AFF3: variants seen among roughly 807,000 people sequenced by gnomAD.
AFF3 encodes the protein AF4/FMR2 family member 3.
AFF3 carries 32 observed loss-of-function variants against 129.7 expected under a neutral mutation model. The ratio of observed to expected loss-of-function variants is 0.25; its 90% CI spans 0.19 to 0.33. AFF3 has a LOEUF of 0.33. AFF3 is among the 10% of genes least tolerant of loss of function. The pLI is 1.00. For synonymous variants in AFF3, 644 were observed against 635.4 expected (o/e 1.01, Z -0.20); for missense variants, 1,373 against 1,592.0 (o/e 0.86, Z 2.34).
intron 7 of AFF3, among the ~76,000 whole-genome samples, chr2:99,875,336 C>A (rs1254359221): frequency 6.6e-6 from 1 of 152,194 alleles, no homozygotes; most frequent in African/African-American, 2.4e-5. Flanking sequence ...ACCTCAGAGG[C>A]CTTTCCTGAT....
At chr2:99,914,014 CT>C (rs1255588180) in intron 7 of AFF3, among the ~76,000 whole-genome samples, 1 of 152,126 alleles carries the variant, frequency 6.6e-6, no homozygotes, top group Non-Finnish European at 1.5e-5. Context: ...TTAATTGCTT[CT>C]GGTAGGTACC....
At chr2:100,066,466 C>T (rs1263487536) in intron 4 of AFF3, among the ~76,000 whole-genome samples, 2 of 152,126 alleles carry the variant, frequency 1.3e-5, no homozygotes, top group African/African-American at 4.8e-5. Context: ...AGCCAAAATG[C>T]CACTTCTAAT....
chr2:100,060,870 C>T (rs1687215879), intron 4 of AFF3, among the ~76,000 whole-genome samples: 2 of 152,194 alleles, frequency 1.3e-5, no homozygotes, highest in Admixed American at 1.3e-4. Flanking sequence ...AGATCCCATC[C>T]CACTACGTTT....
chr2:99,903,615 A>C (rs571805383), intron 7 of AFF3, among the ~76,000 whole-genome samples: 68 of 152,290 alleles, frequency 4.5e-4, no homozygotes, highest in Admixed American at 2.7e-3. Flanking sequence ...AAGATAAATA[A>C]AATCAGATAT....
intron 4 of AFF3, among the ~76,000 whole-genome samples, chr2:100,037,229 G>A (rs1684993091): frequency 6.6e-6 from 1 of 151,568 alleles, no homozygotes; most frequent in Non-Finnish European, 1.5e-5. Context: ...TTTATGTAAT[G>A]TAGTTTACAA....
At chr2:100,086,537 A>T (rs2105383481) in intron 4 of AFF3, among the ~76,000 whole-genome samples, 1 of 152,326 alleles carries the variant, frequency 6.6e-6, no homozygotes, top group East Asian at 1.9e-4. Context: ...AGAGAGAGAA[A>T]AGAAAAAAGA....
chr2:99,597,601 G>A (rs1208588621), intron 14 of AFF3, among the ~76,000 whole-genome samples: 1 of 152,132 alleles, frequency 6.6e-6, no homozygotes, highest in Non-Finnish European at 1.5e-5. Flanking sequence ...TTTTCCCCCC[G>A]ACAACCTCAC....
Position 99,554,486 on chromosome 2 carries a change from G to C in AFF3, c.3384C>G (p.Ser1128Arg). The C allele has an allele frequency of 1.2e-6, 2 of 1,613,902 alleles. No individual in the cohort carries two copies. The highest frequency in any genetic ancestry group is 2.2e-5 in the South Asian group (2 of 91,074). Residue 1128 changes from serine (S) to arginine (R), a missense_variant, in exon 24 of 25, where the codon AGC becomes AGG. Physicochemically the swap from Ser to Arg is moderately radical, Grantham distance 110. This residue lies in a region of AFF3 where 165 missense variants were observed against 234.0 expected (regional missense o/e 0.71). Transcript: ENST00000672756. Reference protein sequence around the residue: ...SPMSPNPSPASSVGSQGSLSN... With the variant: ...SPMSPNPSPARSVGSQGSLSN... ...AGAGGCTGCCCTGAGACCCCACGGA[G>C]CTGGCGGGAGAGGGGTTGGGAGACA...
chr2:99,638,723 G>C (rs1051880832), intron 13 of AFF3, among the ~76,000 whole-genome samples: 8 of 152,214 alleles, frequency 5.3e-5, no homozygotes, highest in African/African-American at 1.9e-4. Flanking sequence ...GGAAGAACCT[G>C]GGAAACTGGC....
At chr2:99,820,124 T>C (rs1177679238) in intron 8 of AFF3, among the ~76,000 whole-genome samples, 1 of 152,160 alleles carries the variant, frequency 6.6e-6, no homozygotes, top group Non-Finnish European at 1.5e-5. Flanking sequence ...ACAACAGGGA[T>C]TCATTCTGAG....
At chr2:99,952,887 T>C (rs752305547) in intron 7 of AFF3, among the ~76,000 whole-genome samples, 1 of 152,138 alleles carries the variant, frequency 6.6e-6, no homozygotes, top group East Asian at 1.9e-4. Context: ...CACAGGTGAG[T>C]TGTTGAATCA....
rs2104418239 is a variant in AFF3 at position 99,546,664 on chromosome 2, A to G, written c.*4810T>C. On this transcript the variant is annotated 3_prime_UTR_variant, in exon 25 of 25. Transcript: ENST00000672756. ...ACAAACTTACCCTCCCACATAGGGG[A>G]TGCTTCATGTCAAGCCACTGGTCTA... 4.3e-6 allele frequency: 1 copy of G among 230,826 alleles called. No individual in the cohort carries two copies. Among genetic ancestry groups the G allele is most frequent in the East Asian group, 6.1e-5 (1 of 16,310 alleles). The allele number at this position is 230,826 out of a possible 1,614,324, so 14.3% of individuals were successfully genotyped here.
At chr2:99,579,457 C>T (rs1677319785) in intron 17 of AFF3, among the ~76,000 whole-genome samples, 1 of 151,042 alleles carries the variant, frequency 6.6e-6, no homozygotes, top group Non-Finnish European at 1.5e-5. Context: ...TGGTGGCTCA[C>T]ACCTGTAATC....
intron 15 of AFF3, among the ~76,000 whole-genome samples, chr2:99,590,915 C>T (rs1183129334): frequency 6.6e-6 from 1 of 151,748 alleles, no homozygotes; most frequent in African/African-American, 2.4e-5. Context: ...ATCACTTGAA[C>T]CCAGGAGGCG....
intron 7 of AFF3, among the ~76,000 whole-genome samples, chr2:99,962,611 CAG>C (rs1340201134): frequency 4.0e-5 from 6 of 151,738 alleles, no homozygotes; most frequent in African/African-American, 7.3e-5. Flanking sequence ...AATACTATAA[CAG>C]AAATAAAAAC....
chr2:100,022,034 A>G lies in AFF3; in HGVS notation c.54-13102T>C, dbSNP rs148674488. 5.3e-5 allele frequency among the ~76,000 whole-genome samples: 8 copies of G among 152,350 alleles called. No homozygotes were observed. In the East Asian group the frequency reaches 1.5e-3, roughly 29 times the overall value. ...TTTGGTGAAAACTCTGTAGTCAATCAAGCTTGACTCAGAGGAAGACATTAA... is the reference window on the plus strand; with the variant it reads ...TTTGGTGAAAACTCTGTAGTCAATCGAGCTTGACTCAGAGGAAGACATTAA... On this transcript the variant is annotated intron_variant, in intron 4 of 24. Coordinates refer to ENST00000672756, the MANE Select transcript of AFF3 (RefSeq NM_001386135.1).
Position 99,593,588 on chromosome 2 carries a change from G to C in AFF3, c.2073C>G (p.Ser691=). 2 of 1,613,060 alleles carry C rather than the reference G, an allele frequency of 1.2e-6. No individual in the cohort carries two copies. Among genetic ancestry groups the C allele is most frequent in the South Asian group, 1.1e-5 (1 of 91,078 alleles). The change falls in exon 15 of 25, where the codon TCC becomes TCG. Residue 691 remains serine (S), a synonymous_variant. Coordinates refer to ENST00000672756, the MANE Select transcript of AFF3 (RefSeq NM_001386135.1). ...LESEQEEYPL[S]KAQTVAASAS... Reference sequence around the variant, plus strand: ...CAGAGGCAGCCACGGTCTGTGCTTTGGACAGAGGGTACTCCTCCTGCTCGG... The same window carrying C: ...CAGAGGCAGCCACGGTCTGTGCTTTCGACAGAGGGTACTCCTCCTGCTCGG...
chr2:99,841,375 T>C (rs180807670), intron 7 of AFF3, among the ~76,000 whole-genome samples: 246 of 152,320 alleles, frequency 1.6e-3, no homozygotes, highest in African/African-American at 5.5e-3. Flanking sequence ...ACCAGAAGCC[T>C]TGATGGTCTG....
At chr2:99,928,714 G>A (rs1696460103) in intron 7 of AFF3, among the ~76,000 whole-genome samples, 1 of 152,194 alleles carries the variant, frequency 6.6e-6, no homozygotes. Context: ...ACAAGATGCA[G>A]CCTCCGGAGG....
Sources: gnomAD v4.1 joint callset for allele counts (sites outside exome capture counted in the v4.1 genomes callset) on GRCh38, gnomAD v4.1.1 for gene constraint, gnomAD v4.1.1 regional missense constraint, MANE v1.5 for transcripts, NCBI Gene and HGNC (gene_info 2026-07-23, HGNC 2026-07-21) for gene names.